Variants in GREB1L observed in about 807,000 individuals in gnomAD.
GREB1L encodes GREB1 like retinoic acid receptor coactivator.
In GREB1L, 17 loss-of-function variants were observed where a neutral mutation model predicts 200.8. The ratio of observed to expected loss-of-function variants is 0.08; its 90% CI spans 0.06 to 0.13. The LOEUF (loss-of-function observed/expected upper bound fraction) is 0.13. Among genes scored for constraint, GREB1L ranks in the 10% least tolerant of loss-of-function variants. The pLI, the probability that GREB1L is intolerant of heterozygous loss-of-function variation, is 1.00. For synonymous variants in GREB1L, 789 were observed against 893.0 expected (o/e 0.88, Z 2.08); for missense variants, 1,657 against 2,367.7 (o/e 0.70, Z 6.23).
intron 5 of GREB1L, among the ~76,000 whole-genome samples, chr18:21,398,993 CT>C: frequency 6.6e-6 from 1 of 152,280 alleles, no homozygotes; most frequent in South Asian, 2.1e-4. Context: ...GATTCTAACT[CT>C]TTTATGTTGT....
chr18:21,338,981 G>A (rs1324909562), intron 1 of GREB1L, among the ~76,000 whole-genome samples: 1 of 152,178 alleles, frequency 6.6e-6, no homozygotes, highest in Non-Finnish European at 1.5e-5. Context: ...CTGAGGTCAG[G>A]AGTTCAAGAC....
chr18:21,445,605 A>C (rs1254400728), intron 11 of GREB1L, among the ~76,000 whole-genome samples: 1 of 152,258 alleles, frequency 6.6e-6, no homozygotes, highest in African/African-American at 2.4e-5. Flanking sequence ...TAATAAAAAC[A>C]CTGGACTAAA....
At chr18:21,388,021 A>G (rs1567969912) in intron 4 of GREB1L, among the ~76,000 whole-genome samples, 1 of 152,218 alleles carries the variant, frequency 6.6e-6, no homozygotes. Context: ...TACATACTTT[A>G]CAGAAATAGA....
At chr18:21,515,685 C>T in intron 29 of GREB1L, 41 bp downstream of exon 29, 3 of 1,366,774 alleles carry the variant, frequency 2.2e-6, no homozygotes, top group South Asian at 1.3e-5. Context: ...CTGGCATCTA[C>T]TGATTGCTTC....
intron 18 of GREB1L, 113 bp downstream of exon 18, chr18:21,485,866 T>C: frequency 9.7e-7 from 1 of 1,034,626 alleles, no homozygotes; most frequent in Non-Finnish European, 1.4e-6. Flanking sequence ...CCCTTGCAGA[T>C]GACGTGCAAA....
intron 21 of GREB1L, among the ~76,000 whole-genome samples, chr18:21,498,404 C>A (rs769379622): frequency 2.0e-5 from 3 of 152,120 alleles, no homozygotes; most frequent in Non-Finnish European, 4.4e-5. Flanking sequence ...GCAACAGGCT[C>A]CCCAGTTTTC....
At chr18:21,271,958 A>AC (rs1017767808) in intron 1 of GREB1L, among the ~76,000 whole-genome samples, 6 of 152,128 alleles carry the variant, frequency 3.9e-5, no homozygotes, top group Non-Finnish European at 7.4e-5. Flanking sequence ...GCAAATTGGC[A>AC]CCCCAAACAA....
intron 15 of GREB1L, among the ~76,000 whole-genome samples, chr18:21,467,870 A>G (rs1344582576): frequency 1.3e-5 from 2 of 151,920 alleles, no homozygotes; most frequent in Non-Finnish European, 2.9e-5. Context: ...TAAAAACGCA[A>G]AAAAATTAGC....
intron 2 of GREB1L, among the ~76,000 whole-genome samples, chr18:21,382,173 C>T (rs772318488): frequency 6.6e-6 from 1 of 151,978 alleles, no homozygotes; most frequent in Non-Finnish European, 1.5e-5. Flanking sequence ...GGGGAAACTG[C>T]GTCTCTACTA....
chr18:21,519,693 T>A (rs2037544963), intron 31 of GREB1L, among the ~76,000 whole-genome samples: 1 of 152,158 alleles, frequency 6.6e-6, no homozygotes, highest in South Asian at 2.1e-4. Flanking sequence ...AGTACTATTG[T>A]TATCTCTACA....
chr18:21,431,885 A>C (rs1398662033), intron 7 of GREB1L, among the ~76,000 whole-genome samples: 2 of 124,200 alleles, frequency 1.6e-5, no homozygotes, highest in Admixed American at 1.5e-4. Context: ...TGTAGTAATA[A>C]TTTTTGTCTT....
intron 7 of GREB1L, among the ~76,000 whole-genome samples, chr18:21,433,041 A>G (rs1394459744): frequency 1.3e-5 from 2 of 152,188 alleles, no homozygotes; most frequent in Admixed American, 6.6e-5. Flanking sequence ...TAGAATAATA[A>G]AGTAAACCAC....
intron 18 of GREB1L, among the ~76,000 whole-genome samples, chr18:21,486,332 T>C (rs1325521824): frequency 1.4e-5 from 2 of 147,638 alleles, no homozygotes; most frequent in Non-Finnish European, 3.0e-5. Context: ...CCAGCCTGGG[T>C]GACAGAGCGA....
intron 15 of GREB1L, among the ~76,000 whole-genome samples, chr18:21,470,258 G>T (rs2035429553): frequency 6.6e-6 from 1 of 152,156 alleles, no homozygotes; most frequent in Admixed American, 6.5e-5. Context: ...ACTGCACTCA[G>T]CGTGGGTGAC....
In GREB1L at chr18:21,525,198, A is replaced by ATAAT. The variant is rs1161194558; in HGVS notation, c.*2379_*2382dup. On this transcript the variant is annotated 3_prime_UTR_variant, in exon 33 of 33. Transcript: ENST00000424526. Reference sequence around the variant, plus strand: ...AACGAAAAACTAGAAGACAATTGTTATAATTTTTTTTGGCTGTAATTTATG... The same window carrying ATAAT: ...AACGAAAAACTAGAAGACAATTGTTATAATTAATTTTTTTTGGCTGTAATTTATG... 6.6e-6 allele frequency: 1 copy of ATAAT among 152,122 alleles called. No homozygotes were observed. The highest frequency in any genetic ancestry group is 1.5e-5 in the Non-Finnish European group (1 of 68,026). 9.4% of individuals were successfully genotyped at this position (152,122 alleles called of 1,614,324 possible). A position where few individuals can be genotyped will look rare whatever the true frequency, so the allele number is the denominator to read the frequency against.
chr18:21,302,745 G>A (rs1265586245), intron 1 of GREB1L, among the ~76,000 whole-genome samples: 7 of 151,208 alleles, frequency 4.6e-5, no homozygotes, highest in East Asian at 1.9e-4. Flanking sequence ...GTTTTGAGAC[G>A]GAGTCTTGCT....
At chr18:21,423,861 G>C (rs191933264) in intron 7 of GREB1L, among the ~76,000 whole-genome samples, 1 of 152,008 alleles carries the variant, frequency 6.6e-6, no homozygotes, top group East Asian at 1.9e-4. Context: ...CCATCTCAAA[G>C]AAAAAAGAAT....
intron 29 of GREB1L, among the ~76,000 whole-genome samples, 156 bp downstream of exon 29, chr18:21,515,800 G>A (rs746906958): frequency 1.3e-4 from 20 of 152,276 alleles, no homozygotes; most frequent in South Asian, 2.1e-4. Flanking sequence ...CCCAAAGTGT[G>A]CCCCTTTATC....
intron 1 of GREB1L, among the ~76,000 whole-genome samples, chr18:21,333,606 TG>T (rs2039140176): frequency 6.8e-6 from 1 of 147,376 alleles, no homozygotes; most frequent in Admixed American, 6.8e-5. Context: ...ACCCAGGAGG[TG>T]GAGGTTGTGG....
Sources: allele counts gnomAD v4.1 joint callset (sites outside exome capture counted in the v4.1 genomes callset), GRCh38; gene constraint gnomAD v4.1.1; transcripts MANE v1.5; gene names NCBI Gene and HGNC (gene_info 2026-07-23, HGNC 2026-07-21).